The following LRP2 variants were observed in gnomAD, a reference collection of about 807,000 sequenced individuals.
LRP2 encodes LDL receptor related protein 2.
In LRP2, 172 loss-of-function variants were observed where a neutral mutation model predicts 531.0. The observed-to-expected ratio is 0.32, with a 90% CI of 0.29 to 0.37. The LOEUF (loss-of-function observed/expected upper bound fraction) is 0.37. Ranked by LOEUF, LRP2 falls within the 10% of genes least tolerant of loss-of-function variation. The pLI is 1.00. For synonymous variants in LRP2, 1,992 were observed against 2,027.6 expected (o/e 0.98, Z 0.47); for missense variants, 5,167 against 5,868.3 (o/e 0.88, Z 3.90).
At chr2:169,349,987 G>A (rs1574280661) in intron 1 of LRP2, among the ~76,000 whole-genome samples, 1 of 152,364 alleles carries the variant, frequency 6.6e-6, no homozygotes, top group East Asian at 1.9e-4. Flanking sequence ...CTACAGCAAG[G>A]AAATCAGTAT....
At position 169,164,212 on chromosome 2, in the gene LRP2, G is replaced by C. The variant is rs558003074; in HGVS notation, c.11759-1612C>G. Reference sequence around the variant, plus strand: ...TGTTTATTTCTATTGTGTTGCCCCTGTTCCGCCAATACCTATCAGGCACAG... The same window carrying C: ...TGTTTATTTCTATTGTGTTGCCCCTCTTCCGCCAATACCTATCAGGCACAG... On this transcript the variant is annotated intron_variant, in intron 62 of 78. Coordinates refer to ENST00000649046, the MANE Select transcript of LRP2 (RefSeq NM_004525.3). Among the ~76,000 whole-genome samples the C allele has an allele frequency of 3.2e-4, 49 of 152,254 alleles. No homozygotes were observed. The South Asian group carries it at 6.2e-3, about 19-fold the overall frequency.
chr2:169,356,706 G>A (rs1041957836), intron 1 of LRP2, among the ~76,000 whole-genome samples: 10 of 152,146 alleles, frequency 6.6e-5, no homozygotes, highest in African/African-American at 2.4e-4. Flanking sequence ...TTTGCATTAG[G>A]AACATGTGAA....
intron 1 of LRP2, among the ~76,000 whole-genome samples, chr2:169,325,829 A>G (rs1685034048): frequency 6.6e-6 from 1 of 151,994 alleles, no homozygotes; most frequent in African/African-American, 2.4e-5. Context: ...TTTACAAACC[A>G]CTGAATAGAC....
chr2:169,325,831 T>C (rs1685034232), intron 1 of LRP2, among the ~76,000 whole-genome samples: 1 of 152,028 alleles, frequency 6.6e-6, no homozygotes, highest in African/African-American at 2.4e-5. Flanking sequence ...TACAAACCAC[T>C]GAATAGACTG....
chr2:169,248,418 C>T (rs1690099415), intron 19 of LRP2, among the ~76,000 whole-genome samples: 1 of 152,156 alleles, frequency 6.6e-6, no homozygotes, highest in Non-Finnish European at 1.5e-5. Flanking sequence ...CTCCCTAAAT[C>T]TTTCTAGAGC....
rs67818940 is a variant in LRP2, at chr2:169,360,128, C to CAAAA, written c.79+2189_79+2192dup. ...TGACAGAGCGAGATTCTGTCTCTCTCAAAAAAAAAAAAAAAAAAAAGAGAG... is the reference window on the plus strand; with the variant it reads ...TGACAGAGCGAGATTCTGTCTCTCTCAAAAAAAAAAAAAAAAAAAAAAAAGAGAG... On this transcript the variant is annotated intron_variant, in intron 1 of 78. Coordinates refer to ENST00000649046, the MANE Select transcript of LRP2 (RefSeq NM_004525.3). 3.1e-3 allele frequency among the ~76,000 whole-genome samples: 322 copies of CAAAA among 104,998 alleles called. 1 individual carries two copies. Among genetic ancestry groups the CAAAA allele is most frequent in the African/African-American group, 0.012 (283 of 23,750 alleles). The allele number at this position is 104,998 out of a possible 152,430, so 68.9% of individuals were successfully genotyped here. A position where few individuals can be genotyped will look rare whatever the true frequency, so the allele number is the denominator to read the frequency against.
chr2:169,190,676 C>T (rs1413283767), intron 48 of LRP2, among the ~76,000 whole-genome samples: 1 of 152,170 alleles, frequency 6.6e-6, no homozygotes, highest in Non-Finnish European at 1.5e-5. Context: ...GTGTGTGTCC[C>T]TTAACAGTCC....
rs138682237 is a variant in LRP2, at chr2:169,318,774, G to A, written c.298C>T (p.Arg100Cys). The change falls in exon 3 of 79, where the codon CGT (arginine) becomes TGT (cysteine). Residue 100 changes from arginine to cysteine, a missense_variant. Physicochemically the swap from Arg to Cys is radical, Grantham distance 180 (BLOSUM62 -3). This residue lies in a region of LRP2 where 2,811 missense variants were observed against 3,058.0 expected (regional missense o/e 0.92). Coordinates refer to ENST00000649046, the MANE Select transcript of LRP2 (RefSeq NM_004525.3). ...DQDCDDGSDE[R>C]QDCSQSTCSS... ...TCCAAACACTTACAGCAATCTTGAC[G>A]TTCATCTGAGCCATCATCACAGTCT... The A allele has an allele frequency of 2.5e-6, 4 of 1,613,974 alleles. No individual in the cohort carries two copies. The highest frequency in any genetic ancestry group is 1.3e-5 in the African/African-American group (1 of 74,926).
intron 16 of LRP2, among the ~76,000 whole-genome samples, chr2:169,268,296 C>T (rs186524214): frequency 6.6e-6 from 1 of 152,008 alleles, no homozygotes; most frequent in East Asian, 1.9e-4. Flanking sequence ...CTGGCAGAGA[C>T]ACAACAAAAA....
intron 31 of LRP2, among the ~76,000 whole-genome samples, chr2:169,229,354 C>T (rs79751295): frequency 7.9e-4 from 121 of 152,254 alleles, no homozygotes; most frequent in Admixed American, 4.6e-4. Flanking sequence ...TGTAATTGAA[C>T]GACAATATAT....
chr2:169,259,147 A>G lies in LRP2; in HGVS notation c.2391T>C (p.Asn797=). The change falls in exon 17 of 79, where the codon AAT becomes AAC. Residue 797 remains asparagine (N), a synonymous_variant. Transcript: ENST00000649046. ...TGTAATGAGAGTCTGTCCAATAGAG[A>G]TTCTTTGAAATCCAATCAAAAGCCA... ...ESLAFDWISK[N]LYWTDSHYKS... is the part of the protein sequence containing the mutation. 6.2e-7 allele frequency: 1 copy of G among 1,613,364 alleles called. No individual in the cohort carries two copies. Among genetic ancestry groups the G allele is most frequent in the Non-Finnish European group, 8.5e-7 (1 of 1,179,572 alleles).
chr2:169,274,924 G>T, intron 14 of LRP2, 112 bp downstream of exon 14: 1 of 1,046,410 alleles, frequency 9.6e-7, no homozygotes. Flanking sequence ...TCATATACTT[G>T]AGAATGCCAC....
At chr2:169,325,921 A>C (rs1685036306) in intron 1 of LRP2, among the ~76,000 whole-genome samples, 1 of 152,164 alleles carries the variant, frequency 6.6e-6, no homozygotes, top group Admixed American at 6.5e-5. Flanking sequence ...AAGAAGTCAA[A>C]GATTTGGGGA....
chr2:169,360,243 T>A (rs1363663528), intron 1 of LRP2, among the ~76,000 whole-genome samples: 2 of 151,996 alleles, frequency 1.3e-5, no homozygotes, highest in Non-Finnish European at 2.9e-5. Flanking sequence ...TCTAGCAGTA[T>A]GAACTGAGAC....
intron 56 of LRP2, 40 bp from the exon 57 acceptor site, chr2:169,173,264 C>T (rs1687067967): frequency 1.2e-6 from 2 of 1,612,888 alleles, no homozygotes; most frequent in Non-Finnish European, 1.7e-6. Context: ...ACTGAAGGTA[C>T]AAGAAAGCAC....
rs1688209386 is a variant in LRP2, at chr2:169,201,734, G to A, written c.8346C>T (p.Ala2782=). The A allele has an allele frequency of 1.9e-6, 3 of 1,614,158 alleles. No homozygotes were observed. The highest frequency in any genetic ancestry group is 2.2e-5 in the East Asian group (1 of 44,884). ...EAGCLFRDCN[A]TTEFMCNNRR... ...TGTTATTGCACATAAACTCCGTGGT[G>A]GCATTGCAGTCCCTGAACAGGCACC... The change falls in exon 44 of 79, where the codon GCC becomes GCT. Residue 2782 remains alanine, a synonymous_variant. Coordinates refer to ENST00000649046, the MANE Select transcript of LRP2 (RefSeq NM_004525.3).
intron 29 of LRP2, among the ~76,000 whole-genome samples, chr2:169,234,110 C>A (rs991622338): frequency 1.3e-5 from 2 of 152,096 alleles, no homozygotes; most frequent in African/African-American, 4.8e-5. Context: ...AATTTTTTCT[C>A]TTTTTTAAAT....
In LRP2 at chr2:169,246,850, C is replaced by T. The variant is rs562380986; in HGVS notation, c.3045G>A (p.Gly1015=). The change falls in exon 21 of 79, where the codon GGG becomes GGA. Residue 1015 remains glycine, a synonymous_variant. Coordinates refer to ENST00000649046, the MANE Select transcript of LRP2 (RefSeq NM_004525.3). The part of the protein sequence containing the change: ...RLASNHLTCE[G]DPTNEPPTEQ... ...CTGTGGGTGGTTCATTGGTTGGGTCCCCCTCGCATGTCAAGTGATTGGAAG... is the reference window on the plus strand; with the variant it reads ...CTGTGGGTGGTTCATTGGTTGGGTCTCCCTCGCATGTCAAGTGATTGGAAG... The T allele has an allele frequency of 6.2e-7, 1 of 1,614,136 alleles. No individual in the cohort carries two copies. The highest frequency in any genetic ancestry group is 1.3e-5 in the African/African-American group (1 of 75,024).
In LRP2 at chr2:169,181,501, A is replaced by C; in HGVS notation, c.10116T>G (p.Ile3372Met). ...TKLEWPNGIT[I>M]DYTNDLLYWA... is the part of the protein sequence containing the mutation. ...AGTAGAGTAGATCATTGGTGTAATC[A>C]ATGGTGATGCCATTAGGCCACTCTA... The change falls in exon 52 of 79, where the codon ATT becomes ATG. Residue 3372 changes from isoleucine to methionine, a missense_variant. Physicochemically the swap from Ile to Met is conservative, Grantham distance 10. This residue lies in a region of LRP2 where 1,129 missense variants were observed against 1,362.7 expected (regional missense o/e 0.83). Coordinates refer to ENST00000649046, the MANE Select transcript of LRP2 (RefSeq NM_004525.3). 6.2e-7 allele frequency: 1 copy of C among 1,614,186 alleles called. No individual in the cohort carries two copies. The highest frequency in any genetic ancestry group is 8.5e-7 in the Non-Finnish European group (1 of 1,180,012).
Sources: allele counts gnomAD v4.1 joint callset (sites outside exome capture counted in the v4.1 genomes callset), GRCh38; gene constraint gnomAD v4.1.1; regional missense constraint gnomAD v4.1.1; transcripts MANE v1.5; gene names NCBI Gene and HGNC (gene_info 2026-07-23, HGNC 2026-07-21).